The following CAPZB variants were observed in gnomAD, a reference collection of about 807,000 sequenced individuals.
CAPZB encodes the protein capping actin protein of muscle Z-line subunit beta.
A neutral mutation model predicts 38.1 loss-of-function variants in CAPZB; 2 were observed. The observed-to-expected ratio is 0.05, with a 90% CI of 0.02 to 0.17. The LOEUF (loss-of-function observed/expected upper bound fraction) is 0.17. Ranked by LOEUF, CAPZB falls within the 10% of genes least tolerant of loss-of-function variation. The pLI is 1.00. For synonymous variants in CAPZB, 107 were observed against 127.4 expected (o/e 0.84, Z 1.08); for missense variants, 161 against 334.2 (o/e 0.48, Z 4.04).
chr1:19,468,610 T>C (rs1001186057), intron 1 of CAPZB, among the ~76,000 whole-genome samples: 3 of 152,098 alleles, frequency 2.0e-5, no homozygotes, highest in Non-Finnish European at 2.9e-5. Flanking sequence ...GAGAGTGTAC[T>C]GAAATAGAAG....
At chr1:19,427,894 T>C (rs974141942) in intron 1 of CAPZB, among the ~76,000 whole-genome samples, 4 of 152,268 alleles carry the variant, frequency 2.6e-5, no homozygotes, top group African/African-American at 9.6e-5. Flanking sequence ...TCTTTTTAAA[T>C]TGAGGTTTTT....
chr1:19,375,689 T>G (rs72651486), intron 4 of CAPZB, among the ~76,000 whole-genome samples: 3,762 of 152,276 alleles, frequency 0.025, 75 homozygotes, highest in Non-Finnish European at 0.038. Context: ...AAAAGCCACC[T>G]TACAAATACA....
chr1:19,463,589 C>T (rs1251200086), intron 1 of CAPZB, among the ~76,000 whole-genome samples: 1 of 152,180 alleles, frequency 6.6e-6, no homozygotes, highest in Non-Finnish European at 1.5e-5. Flanking sequence ...CTGGAACTGC[C>T]CAGGGTGCCA....
chr1:19,346,765 C>T (rs1181503254), intron 6 of CAPZB, among the ~76,000 whole-genome samples: 1 of 151,150 alleles, frequency 6.6e-6, no homozygotes, highest in African/African-American at 2.4e-5. Context: ...CAAAACCGAC[C>T]TGTGATTGAA....
At chr1:19,399,806 C>T (rs942627619) in intron 2 of CAPZB, among the ~76,000 whole-genome samples, 2 of 152,194 alleles carry the variant, frequency 1.3e-5, no homozygotes, top group Non-Finnish European at 2.9e-5. Flanking sequence ...CGGTAAGGTT[C>T]ATTTTAGTGT....
rs558126807 is a variant in CAPZB, at chr1:19,383,492, T to A, written c.215+2013A>T. On this transcript the variant is annotated intron_variant, in intron 3 of 8. Transcript: ENST00000264202. ...TTAGCTGGGCATGGTGATACATGCC[T>A]ATGGTCTTGTGCAGGGGGCCATGTT... Among the ~76,000 whole-genome samples, 3 of 149,970 alleles carry A rather than the reference T, an allele frequency of 2.0e-5. No individual in the cohort carries two copies. The South Asian group carries it at 6.3e-4, about 32-fold the overall frequency.
intron 1 of CAPZB, among the ~76,000 whole-genome samples, chr1:19,442,397 A>G (rs1246470624): frequency 6.6e-6 from 1 of 152,120 alleles, no homozygotes; most frequent in Admixed American, 6.5e-5. Context: ...CACGGAGGAT[A>G]ACTGCTGAAG....
intron 2 of CAPZB, among the ~76,000 whole-genome samples, chr1:19,397,010 C>G (rs891572758): frequency 1.6e-4 from 24 of 151,962 alleles, no homozygotes; most frequent in Non-Finnish European, 7.4e-5. Context: ...CACCTGAAAT[C>G]TTTTTGGGAA....
intron 2 of CAPZB, among the ~76,000 whole-genome samples, chr1:19,403,530 G>A (rs1200841785): frequency 6.6e-6 from 1 of 152,254 alleles, no homozygotes; most frequent in Non-Finnish European, 1.5e-5. Flanking sequence ...GGCAGGGCCA[G>A]ATCAAGAGCT....
rs1262180613 is a variant in CAPZB, at chr1:19,356,380, G to GAGGGGTA, written c.588+248_588+254dup. Among the ~76,000 whole-genome samples, 2 of 152,218 alleles carry GAGGGGTA rather than the reference G, an allele frequency of 1.3e-5. No individual in the cohort carries two copies. Among genetic ancestry groups the GAGGGGTA allele is most frequent in the Non-Finnish European group, 2.9e-5 (2 of 68,042 alleles). On this transcript the variant is annotated intron_variant, in intron 6 of 8. Transcript: ENST00000264202. The surrounding 1 kb of genome is among the most constrained non-coding windows in gnomAD (Gnocchi z 4.3). Reference sequence around the variant, plus strand: ...GAAGCATGGGGATGTGCGGGGCCCTGAGGGGTAAGGAGGAGCCACAGCCAG... The same window carrying GAGGGGTA: ...GAAGCATGGGGATGTGCGGGGCCCTGAGGGGTAAGGGGTAAGGAGGAGCCACAGCCAG...
At chr1:19,403,998 G>A (rs995038928) in intron 2 of CAPZB, among the ~76,000 whole-genome samples, 24 of 152,198 alleles carry the variant, frequency 1.6e-4, no homozygotes, top group Middle Eastern at 6.8e-3. Context: ...GTAGTAGGCC[G>A]GGCACGGTGG....
intron 4 of CAPZB, among the ~76,000 whole-genome samples, chr1:19,376,873 C>T (rs866254817): frequency 3.9e-5 from 6 of 152,138 alleles, no homozygotes; most frequent in African/African-American, 1.2e-4. Flanking sequence ...GGTTTGATAT[C>T]CCAGTTCCAC....
chr1:19,484,173 C>G (rs2094641576), intron 1 of CAPZB: 2 of 1,609,334 alleles, frequency 1.2e-6, no homozygotes, highest in East Asian at 4.5e-5. Flanking sequence ...AGCACTCTCC[C>G]TAGGCGTTCT....
chr1:19,448,979 G>A (rs977267576), intron 1 of CAPZB: 1 of 1,601,836 alleles, frequency 6.2e-7, no homozygotes, highest in Non-Finnish European at 8.5e-7. Context: ...GCAAGAGGAA[G>A]TGGAAACATG....
chr1:19,373,564 G>A (rs2094130068), intron 4 of CAPZB, among the ~76,000 whole-genome samples: 1 of 152,178 alleles, frequency 6.6e-6, no homozygotes, highest in Admixed American at 6.5e-5. Flanking sequence ...CTGGGGAGAC[G>A]GTAAGTTCTG....
intron 4 of CAPZB, among the ~76,000 whole-genome samples, chr1:19,368,545 C>G (rs1483577661): frequency 1.3e-5 from 2 of 150,324 alleles, no homozygotes; most frequent in Non-Finnish European, 3.0e-5. Context: ...AAAAAAGGAA[C>G]CCGCTGGGTG....
chr1:19,349,835 G>A (rs368403516), intron 6 of CAPZB, among the ~76,000 whole-genome samples: 11 of 152,226 alleles, frequency 7.2e-5, no homozygotes, highest in South Asian at 6.2e-4. Flanking sequence ...GCACCCGGCC[G>A]TATTTCCACA....
At chr1:19,353,291 G>A (rs375651653) in intron 6 of CAPZB, among the ~76,000 whole-genome samples, 1 of 152,168 alleles carries the variant, frequency 6.6e-6, no homozygotes. Flanking sequence ...AAGGGCATGT[G>A]AGCGTGGGTG....
intron 2 of CAPZB, among the ~76,000 whole-genome samples, chr1:19,414,905 T>C (rs1195513916): frequency 6.6e-6 from 1 of 152,248 alleles, no homozygotes; most frequent in African/African-American, 2.4e-5. Flanking sequence ...AAATGATGTT[T>C]TGGCCATCTG....
Sources: allele counts gnomAD v4.1 joint callset (sites outside exome capture counted in the v4.1 genomes callset), GRCh38; gene constraint gnomAD v4.1.1; non-coding constraint Gnocchi (gnomAD v3.1); transcripts MANE v1.5; gene names NCBI Gene and HGNC (gene_info 2026-07-23, HGNC 2026-07-21).